Variants in GPD1 observed in about 807,000 individuals in gnomAD.
GPD1 encodes glycerol-3-phosphate dehydrogenase [NAD(+)], cytoplasmic.
GPD1 carries 19 observed loss-of-function variants against 34.4 expected under a neutral mutation model. The observed-to-expected ratio is 0.55, with a 90% CI of 0.39 to 0.81. The LOEUF (loss-of-function observed/expected upper bound fraction) is 0.81. Among genes scored for constraint, GPD1 ranks in the 30% least tolerant of loss-of-function variants. The probability of loss-of-function intolerance (pLI) is 0.00; values close to 1 mark genes in which losing one functional copy is unlikely to be tolerated. For missense variants in GPD1, 429 were observed against 447.0 expected, an observed-to-expected ratio of 0.96 and a Z score of 0.36; for synonymous variants, 172 against 174.1, an observed-to-expected ratio of 0.99 and a Z score of 0.09.
Position 50,107,576 on chromosome 12 carries a change from G to A in GPD1, c.622G>A (p.Ala208Thr). Residue 208 changes from alanine to threonine, a missense_variant, in exon 6 of 8, where the codon GCC (alanine) becomes ACC (threonine). Coordinates refer to ENST00000301149, the MANE Select transcript of GPD1 (RefSeq NM_005276.4). ...CCTCCACTCCTTCAAGAATGTAGTG[G>A]CCGTGGGGGCTGGCTTCTGTGATGG... The part of the protein sequence containing the change: ...EICGALKNVV[A>T]VGAGFCDGLG... 1 of 1,613,826 alleles carries A rather than the reference G, an allele frequency of 6.2e-7. No individual in the cohort carries two copies. Among genetic ancestry groups the A allele is most frequent in the Non-Finnish European group, 8.5e-7 (1 of 1,179,776 alleles).
At position 50,107,810 on chromosome 12, in the gene GPD1, G is replaced by A. The variant is rs200453933; in HGVS notation, c.846+10G>A. 6.0e-4 allele frequency: 946 copies of A among 1,583,652 alleles called. 6 individuals carry two copies. In the South Asian group the frequency reaches 7.6e-3, roughly 13 times the overall value. On this transcript the variant is annotated intron_variant, in intron 6 of 7. Transcript: ENST00000301149. ...TGCGCGTACAGGAAAGGTGGGCCCC[G>A]GGAGAAGGGAGAACAGAGGGGCGGC...
rs1021990041 is a variant in GPD1, at chr12:50,106,127, T to C, written c.361-161T>C. On this transcript the variant is annotated intron_variant, in intron 3 of 7. Coordinates refer to ENST00000301149, the MANE Select transcript of GPD1 (RefSeq NM_005276.4). ...TGTGGCAGGACAGTTGGTCACATGC[T>C]GTCTGGCCTCCTCACAGCAAACTTG... The C allele has an allele frequency of 1.9e-5, 12 of 643,350 alleles. No homozygotes were observed. The African/African-American group carries it at 2.0e-4, about 11-fold the overall frequency. The allele number at this position is 643,350 out of a possible 1,614,324, so 39.9% of individuals were successfully genotyped here.
rs1255619214 is a variant in GPD1, at chr12:50,106,413, T to C, written c.486T>C (p.Cys162=). The C allele has an allele frequency of 1.9e-6, 3 of 1,613,606 alleles. No homozygotes were observed. The highest frequency in any genetic ancestry group is 8.5e-7 in the Non-Finnish European group (1 of 1,179,834). The stretch of plus-strand genomic sequence containing the variant: ...GCGAGGTGGCTGATGAGAAGTTCTG[T>C]GAGACAACCATTGGTGAGAGCCCCC... ...IASEVADEKF[C]ETTIGCKDPA... Residue 162 remains cysteine (C), a synonymous_variant, in exon 4 of 8, where the codon TGT becomes TGC. Transcript: ENST00000301149.
chr12:50,105,499 G>A (rs1451559537), intron 2 of GPD1, 49 bp from the exon 3 acceptor site: 2 of 1,580,536 alleles, frequency 1.3e-6, no homozygotes, highest in Admixed American at 1.7e-5. Flanking sequence ...GGTTCCACAG[G>A]GGCTAGGGGA....
At chr12:50,104,824 A>C (rs1950967452) in intron 2 of GPD1, 73 bp downstream of exon 2, 10 of 1,325,296 alleles carry the variant, frequency 7.5e-6, no homozygotes, top group Non-Finnish European at 1.1e-5. Flanking sequence ...CTTACTCAAC[A>C]GGTGCCTCCT....
In GPD1 at chr12:50,104,591, AGATCGTG is replaced by A. The variant is rs1381302816; in HGVS notation, c.61_67del (p.Ile21ValfsTer14). 5.6e-6 allele frequency: 9 copies of A among 1,613,656 alleles called. No individual in the cohort carries two copies. Among genetic ancestry groups the A allele is most frequent in the Non-Finnish European group, 7.6e-6 (9 of 1,179,682 alleles). ...CCCACCAGGGGCTCAGCCATCGCCA[AGATCGTG>A]GGTGGCAATGCAGCCCAGCTGGCAC... On this transcript the variant is annotated frameshift_variant, in exon 2 of 8. Transcript: ENST00000301149. LOFTEE classifies it high-confidence loss of function.
In GPD1 at chr12:50,104,081, T is replaced by C. The variant is rs1950960817; in HGVS notation, c.31T>C (p.Ser11Pro). The change falls in exon 1 of 8, where the codon TCC becomes CCC. Residue 11 changes from serine (S) to proline (P), a missense_variant. Coordinates refer to ENST00000301149, the MANE Select transcript of GPD1 (RefSeq NM_005276.4). ...TAGCAAGAAAGTCTGCATTGTAGGC[T>C]CCGGGAACTGGTAAGCAGCTCTGTC... MASKKVCIVG[S>P]GNWGSAIAKI... The C allele has an allele frequency of 1.2e-6, 2 of 1,613,964 alleles. No homozygotes were observed. The highest frequency in any genetic ancestry group is 4.5e-5 in the East Asian group (2 of 44,864).
Position 50,109,625 on chromosome 12 carries a change from C to A in GPD1, c.*106C>A. 3.0e-6 allele frequency: 2 copies of A among 676,342 alleles called. No individual in the cohort carries two copies. The highest frequency in any genetic ancestry group is 2.7e-6 in the Non-Finnish European group (1 of 368,528). 41.9% of individuals were successfully genotyped at this position (676,342 alleles called of 1,614,324 possible). ...CTCCAGGACTCCCAGGGAGCAGAGT[C>A]TTCTCATCTTTTCACTGGAGGACAG... On this transcript the variant is annotated 3_prime_UTR_variant, in exon 8 of 8. Coordinates refer to ENST00000301149, the MANE Select transcript of GPD1 (RefSeq NM_005276.4).
In GPD1 at chr12:50,106,224, T is replaced by A. The variant is rs189131948; in HGVS notation, c.361-64T>A. The A allele has an allele frequency of 8.4e-6, 12 of 1,431,864 alleles. No individual in the cohort carries two copies. The Middle Eastern group carries it at 6.3e-4, about 75-fold the overall frequency. The allele number at this position is 1,431,864 out of a possible 1,614,324, so 88.7% of individuals were successfully genotyped here. ...GCAATGGATTTGGAAGGGACAGAAT[T>A]TCTGGGCGGAAGCCCGCAGGTGGGC... On this transcript the variant is annotated intron_variant, in intron 3 of 7. Coordinates refer to ENST00000301149, the MANE Select transcript of GPD1 (RefSeq NM_005276.4).
At chr12:50,104,792 A>G (rs768664810) in intron 2 of GPD1, 41 bp downstream of exon 2, 2 of 1,567,852 alleles carry the variant, frequency 1.3e-6, no homozygotes, top group South Asian at 2.3e-5. Context: ...AGAGGAAGGG[A>G]GGGCCAGGAG....
chr12:50,107,455 T>A, intron 5 of GPD1, 112 bp from the exon 6 acceptor site: 1 of 870,930 alleles, frequency 1.1e-6, no homozygotes, highest in South Asian at 1.3e-5. Flanking sequence ...GGCCACACAC[T>A]ATACCTCTCT....
chr12:50,107,652 T>C lies in GPD1; in HGVS notation c.698T>C (p.Met233Thr), dbSNP rs1191816454. The C allele has an allele frequency of 6.2e-7, 1 of 1,613,944 alleles. No individual in the cohort carries two copies. The highest frequency in any genetic ancestry group is 2.2e-5 in the East Asian group (1 of 44,878). ...TKAAVIRLGL[M>T]EMIAFAKLFC... ...GCGGCAGTGATCCGGCTGGGACTCA[T>C]GGAGATGATAGCCTTCGCCAAGCTC... The change falls in exon 6 of 8, where the codon ATG (methionine) becomes ACG (threonine). Residue 233 changes from methionine (M) to threonine (T), a missense_variant. By Grantham distance (81) the Met-to-Thr change is moderately conservative (BLOSUM62 -1). Transcript: ENST00000301149.
Position 50,108,053 on chromosome 12 carries a change from G to A in GPD1, c.876G>A (p.Leu292=). The A allele has an allele frequency of 3.1e-6, 5 of 1,612,764 alleles. No individual in the cohort carries two copies. The South Asian group carries it at 4.4e-5, about 14-fold the overall frequency. ...TTGAGCAGCTGGAGAAAGAGTTGCTGAATGGGCAGAAACTGCAGGGGCCCG... is the reference window on the plus strand; with the variant it reads ...TTGAGCAGCTGGAGAAAGAGTTGCTAAATGGGCAGAAACTGCAGGGGCCCG... ...KSIEQLEKEL[L]NGQKLQGPET... is the part of the protein sequence containing the mutation. The change falls in exon 7 of 8, where the codon CTG becomes CTA. Residue 292 remains leucine, a synonymous_variant. Coordinates refer to ENST00000301149, the MANE Select transcript of GPD1 (RefSeq NM_005276.4).
chr12:50,105,505 G>T, intron 2 of GPD1, 43 bp from the exon 3 acceptor site: 1 of 1,593,428 alleles, frequency 6.3e-7, no homozygotes, highest in Non-Finnish European at 8.6e-7. Context: ...ACAGGGGCTA[G>T]GGGAGGTCTG....
At chr12:50,105,040 C>T (rs1157815148) in intron 2 of GPD1, 1 of 443,776 alleles carries the variant, frequency 2.3e-6, no homozygotes, top group East Asian at 4.0e-5. Context: ...GTGCCTGCCT[C>T]CGGCACTAAT....
rs1237256867 is a variant in GPD1, at chr12:50,110,704, T to A, written c.*1185T>A. ...TCTTTGCTGAATGAGGGCCTTCTCG[T>A]GAGGTACTGACAACACCAGCAACTC... On this transcript the variant is annotated 3_prime_UTR_variant, in exon 8 of 8. Transcript: ENST00000301149. 1 of 152,584 alleles carries A rather than the reference T, an allele frequency of 6.6e-6. No homozygotes were observed. The highest frequency in any genetic ancestry group is 1.9e-4 in the East Asian group (1 of 5,184). The allele number at this position is 152,584 out of a possible 1,614,324, so 9.5% of individuals were successfully genotyped here. A position where few individuals can be genotyped will look rare whatever the true frequency, so the allele number is the denominator to read the frequency against.
Position 50,108,096 on chromosome 12 carries a change from T to C in GPD1, c.919T>C (p.Tyr307His), listed in dbSNP as rs1179652204. Reference sequence around the variant, plus strand: ...GGGGCCCGAGACAGCCCGGGAGCTATACAGCATCCTCCAGCACAAGGGCCT... The same window carrying C: ...GGGGCCCGAGACAGCCCGGGAGCTACACAGCATCCTCCAGCACAAGGGCCT... Reference protein sequence around the residue: ...LQGPETARELYSILQHKGLVD... With the variant: ...LQGPETARELHSILQHKGLVD... The change falls in exon 7 of 8, where the codon TAC becomes CAC. Residue 307 changes from tyrosine (Y) to histidine (H), a missense_variant. By Grantham distance (83) the Tyr-to-His change is moderately conservative. Transcript: ENST00000301149. 2 of 1,611,320 alleles carry C rather than the reference T, an allele frequency of 1.2e-6. No homozygotes were observed. Among genetic ancestry groups the C allele is most frequent in the Admixed American group, 1.7e-5 (1 of 59,930 alleles).
intron 6 of GPD1, 96 bp downstream of exon 6, chr12:50,107,896 A>G (rs1950993971): frequency 1.9e-6 from 2 of 1,043,084 alleles, no homozygotes; most frequent in East Asian, 2.4e-5. Context: ...AAACATTAAG[A>G]CTGTTGTGCA....
Position 50,111,210 on chromosome 12 carries a change from CTT to C in GPD1, c.*1692_*1693del, listed in dbSNP as rs770421668. On this transcript the variant is annotated 3_prime_UTR_variant, in exon 8 of 8. Coordinates refer to ENST00000301149, the MANE Select transcript of GPD1 (RefSeq NM_005276.4). The surrounding 1 kb of genome is among the most constrained non-coding windows in gnomAD (Gnocchi z 4.1). ...GGTTAAGGTGGGGGCAAAGGGGAAG[CTT>C]CAAGCACTTTGCCTACTTTTGTTCA... The C allele has an allele frequency of 1.3e-5, 2 of 152,232 alleles. No homozygotes were observed. 9.4% of individuals were successfully genotyped at this position (152,232 alleles called of 1,614,324 possible). A position where few individuals can be genotyped will look rare whatever the true frequency, so the allele number is the denominator to read the frequency against.
Sources: allele counts gnomAD v4.1 joint callset, GRCh38; gene constraint gnomAD v4.1.1; non-coding constraint Gnocchi (gnomAD v3.1); transcripts MANE v1.5; gene names NCBI Gene and HGNC (gene_info 2026-07-23, HGNC 2026-07-21).